Variants in GFOD1 observed in about 807,000 individuals in gnomAD.
GFOD1 encodes the protein Gfo/Idh/MocA-like oxidoreductase domain containing 1.
GFOD1 carries 9 observed loss-of-function variants against 25.4 expected under a neutral mutation model. The ratio of observed to expected loss-of-function variants is 0.35; its 90% CI spans 0.21 to 0.62. The LOEUF (loss-of-function observed/expected upper bound fraction) is 0.62, where lower values mean the gene tolerates loss of function less well. GFOD1 is among the 20% of genes least tolerant of loss of function. The pLI is 0.72. For missense variants in GFOD1, 403 were observed against 556.9 expected (o/e 0.72, Z 2.78); for synonymous variants, 253 against 245.6 (o/e 1.03, Z -0.28).
In GFOD1 at chr6:13,480,013, G is replaced by C. The variant is rs184288666; in HGVS notation, c.253+6625C>G. Among the ~76,000 whole-genome samples, 47 of 152,270 alleles carry C rather than the reference G, an allele frequency of 3.1e-4. No homozygotes were observed. In the East Asian group the frequency reaches 8.3e-3, roughly 27 times the overall value. ...CTGCAGCCTTATTTCCGCTGGCGTGGCAATGCTGGCCAGCAAAATCCTCTC... is the reference window on the plus strand; with the variant it reads ...CTGCAGCCTTATTTCCGCTGGCGTGCCAATGCTGGCCAGCAAAATCCTCTC... On this transcript the variant is annotated intron_variant, in intron 1 of 1. Transcript: ENST00000379287.
chr6:13,420,350 A>G (rs1462979141), intron 1 of GFOD1, among the ~76,000 whole-genome samples: 1 of 152,224 alleles, frequency 6.6e-6, no homozygotes, highest in Non-Finnish European at 1.5e-5. Context: ...CAGCAGTCGA[A>G]TTCTGGCAGG....
intron 1 of GFOD1, chr6:13,486,255 C>CACA (rs1562234465): frequency 3.2e-6 from 1 of 308,178 alleles, no homozygotes; most frequent in African/African-American, 2.7e-5. Flanking sequence ...CATCCCCCCC[C>CACA]CCCACACACA....
chr6:13,481,955 G>A (rs1419497722), intron 1 of GFOD1, among the ~76,000 whole-genome samples: 2 of 152,100 alleles, frequency 1.3e-5, no homozygotes, highest in Non-Finnish European at 2.9e-5. Flanking sequence ...CAACCTAAAT[G>A]TTGAGTAACA....
At position 13,358,411 on chromosome 6, in the gene GFOD1, C is replaced by CACA. The variant is rs929007437; in HGVS notation, c.*6329_*6331dup. The CACA allele has an allele frequency of 1.4e-4, 22 of 152,046 alleles. No homozygotes were observed. Among genetic ancestry groups the CACA allele is most frequent in the African/African-American group, 5.1e-4 (21 of 41,472 alleles). 9.4% of individuals were successfully genotyped at this position (152,046 alleles called of 1,614,324 possible). On this transcript the variant is annotated 3_prime_UTR_variant, in exon 2 of 2. Transcript: ENST00000379287. Reference sequence around the variant, plus strand: ...AACAAATGCCATTTTGGTTAAAAAACACAACAACAACAATAAAAAGCAGAT... The same window carrying CACA: ...AACAAATGCCATTTTGGTTAAAAAACACAACAACAACAACAATAAAAAGCAGAT...
At chr6:13,421,367 C>T (rs1450171063) in intron 1 of GFOD1, among the ~76,000 whole-genome samples, 1 of 151,990 alleles carries the variant, frequency 6.6e-6, no homozygotes, top group Non-Finnish European at 1.5e-5. Flanking sequence ...GTAGCATGCA[C>T]TTGGTAGTCC....
At chr6:13,387,941 G>A (rs951208199) in intron 1 of GFOD1, among the ~76,000 whole-genome samples, 14 of 152,266 alleles carry the variant, frequency 9.2e-5, no homozygotes, top group African/African-American at 3.4e-4. Flanking sequence ...AAATCAATGT[G>A]CAAAAATCAC....
Position 13,399,554 on chromosome 6 carries a change from A to G in GFOD1, c.254-33892T>C, listed in dbSNP as rs566495315. Among the ~76,000 whole-genome samples, 41 of 152,344 alleles carry G rather than the reference A, an allele frequency of 2.7e-4. 1 individual carries two copies. The highest frequency in any genetic ancestry group is 4.6e-4 in the Non-Finnish European group (31 of 68,028). ...AGAATACTACTCAGCAGTAAAGATA[A>G]ATGAACTACTGAGACATGCAACAAT... is the stretch of plus-strand genomic sequence containing the variant. On this transcript the variant is annotated intron_variant, in intron 1 of 1. Transcript: ENST00000379287.
chr6:13,456,010 G>A (rs1280716075), intron 1 of GFOD1, among the ~76,000 whole-genome samples: 1 of 152,130 alleles, frequency 6.6e-6, no homozygotes, highest in East Asian at 1.9e-4. Context: ...GACAGGCTGG[G>A]GGCTCTCTCC....
chr6:13,419,925 C>G (rs1235151345), intron 1 of GFOD1, among the ~76,000 whole-genome samples: 1 of 152,244 alleles, frequency 6.6e-6, no homozygotes, highest in Non-Finnish European at 1.5e-5. Context: ...CCCTATCACT[C>G]CTGTGCCCCG....
intron 1 of GFOD1, among the ~76,000 whole-genome samples, chr6:13,388,723 A>T (rs1310270893): frequency 6.6e-6 from 1 of 152,256 alleles, no homozygotes; most frequent in Non-Finnish European, 1.5e-5. Context: ...CATGACTAAA[A>T]CACCAAAAGC....
At chr6:13,470,636 G>A (rs1584671340) in intron 1 of GFOD1, 1 of 1,459,334 alleles carries the variant, frequency 6.9e-7, no homozygotes, top group East Asian at 2.5e-5. Context: ...TGGTTCTGTT[G>A]GAAAGGGAGA....
At chr6:13,444,338 A>G (rs1045953829) in intron 1 of GFOD1, among the ~76,000 whole-genome samples, 15 of 151,728 alleles carry the variant, frequency 9.9e-5, no homozygotes, top group African/African-American at 3.4e-4. Flanking sequence ...GAAGATAACA[A>G]CAGACACGCG....
rs140114412 is a variant in GFOD1, at chr6:13,379,313, C to G, written c.254-13651G>C. Among the ~76,000 whole-genome samples, 26 of 152,248 alleles carry G rather than the reference C, an allele frequency of 1.7e-4. No homozygotes were observed. In the East Asian group the frequency reaches 2.9e-3, roughly 17 times the overall value. ...TCTTGGTGGGTGGTACAGCCTCCCC[C>G]CATAGAAGGCACGCCAGCTGTTTGC... On this transcript the variant is annotated intron_variant, in intron 1 of 1. Coordinates refer to ENST00000379287, the MANE Select transcript of GFOD1 (RefSeq NM_018988.4).
intron 1 of GFOD1, among the ~76,000 whole-genome samples, chr6:13,485,346 C>T (rs910490044): frequency 3.3e-5 from 5 of 152,258 alleles, no homozygotes; most frequent in African/African-American, 1.2e-4. Context: ...ACAAATAAAA[C>T]AGTCTTTCCA....
intron 1 of GFOD1, among the ~76,000 whole-genome samples, chr6:13,482,010 C>T (rs954764413): frequency 2.0e-5 from 3 of 151,736 alleles, no homozygotes; most frequent in Non-Finnish European, 2.9e-5. Flanking sequence ...CAATGAAATA[C>T]TAGGTAGCCA....
At chr6:13,451,055 T>G (rs77343626) in intron 1 of GFOD1, among the ~76,000 whole-genome samples, 1 of 152,208 alleles carries the variant, frequency 6.6e-6, no homozygotes, top group Non-Finnish European at 1.5e-5. Flanking sequence ...GCTGGCCCCA[T>G]GTGATGCAAT....
At chr6:13,470,710 T>G (rs1025693489) in intron 1 of GFOD1, 2 of 1,437,726 alleles carry the variant, frequency 1.4e-6, no homozygotes, top group African/African-American at 2.9e-5. Context: ...CATATTCATG[T>G]GGGAGATAAG....
intron 1 of GFOD1, chr6:13,407,983 C>T (rs901509951): frequency 1.0e-6 from 1 of 985,470 alleles, no homozygotes; most frequent in African/African-American, 1.7e-5. Context: ...TGGGTCAGCA[C>T]CCAAAGGTGG....
chr6:13,373,461 G>T (rs1451947177), intron 1 of GFOD1, among the ~76,000 whole-genome samples: 1 of 152,070 alleles, frequency 6.6e-6, no homozygotes, highest in African/African-American at 2.4e-5. Flanking sequence ...TCTGAGAGAG[G>T]TTCATTAGAT....
Sources: allele counts gnomAD v4.1 joint callset (sites outside exome capture counted in the v4.1 genomes callset), GRCh38; gene constraint gnomAD v4.1.1; transcripts MANE v1.5; gene names NCBI Gene and HGNC (gene_info 2026-07-23, HGNC 2026-07-21).